The following MAST2 variants were observed in gnomAD, a reference collection of about 807,000 sequenced individuals.
MAST2 encodes the protein microtubule-associated serine/threonine-protein kinase 2.
In MAST2, 70 loss-of-function variants were observed where a neutral mutation model predicts 147.4. The observed-to-expected ratio is 0.47, with a 90% confidence interval of 0.39 to 0.58. The LOEUF (loss-of-function observed/expected upper bound fraction) is 0.58. Among genes scored for constraint, MAST2 ranks in the 20% least tolerant of loss-of-function variants. The pLI is 0.00. For missense variants in MAST2, 2,080 were observed against 2,302.3 expected, an observed-to-expected ratio of 0.90 and a Z score of 1.98; for synonymous variants, 869 against 896.8, an observed-to-expected ratio of 0.97 and a Z score of 0.55.
At chr1:45,879,217 TG>T (rs751613284) in intron 3 of MAST2, among the ~76,000 whole-genome samples, 41 of 152,098 alleles carry the variant, frequency 2.7e-4, no homozygotes, top group African/African-American at 8.4e-4. Context: ...GATATCCATA[TG>T]AAAAAAAATG....
intron 3 of MAST2, among the ~76,000 whole-genome samples, chr1:45,845,193 G>A (rs533901804): frequency 1.4e-4 from 21 of 152,246 alleles, no homozygotes; most frequent in African/African-American, 4.6e-4. Flanking sequence ...ATGGGAGAAC[G>A]TTTATGCAAG....
At chr1:45,866,044 G>T (rs907606060) in intron 3 of MAST2, among the ~76,000 whole-genome samples, 1 of 152,020 alleles carries the variant, frequency 6.6e-6, no homozygotes, top group Non-Finnish European at 1.5e-5. Context: ...AATACCTAAG[G>T]ATTTTAAAAT....
At chr1:45,936,239 G>C (rs1656172423) in intron 4 of MAST2, among the ~76,000 whole-genome samples, 1 of 152,190 alleles carries the variant, frequency 6.6e-6, no homozygotes, top group Non-Finnish European at 1.5e-5. Context: ...TTTGTATGTT[G>C]ATTTTGTATC....
chr1:45,865,551 T>C (rs1160672394), intron 3 of MAST2, among the ~76,000 whole-genome samples: 7 of 152,100 alleles, frequency 4.6e-5, no homozygotes, highest in Admixed American at 6.6e-5. Flanking sequence ...TTAAGAACTT[T>C]TCTAAATTAT....
intron 4 of MAST2, among the ~76,000 whole-genome samples, chr1:45,919,904 C>T (rs890839265): frequency 6.6e-6 from 1 of 151,594 alleles, no homozygotes; most frequent in African/African-American, 2.4e-5. Context: ...ATTGATATGA[C>T]AAGATTATTT....
chr1:45,962,051 G>A (rs1450552238), intron 5 of MAST2, among the ~76,000 whole-genome samples: 1 of 151,750 alleles, frequency 6.6e-6, no homozygotes, highest in Non-Finnish European at 1.5e-5. Context: ...ATAGTTTGCT[G>A]AGAATGATGG....
At chr1:45,981,310 G>A (rs531385336) in intron 5 of MAST2, among the ~76,000 whole-genome samples, 32 of 152,216 alleles carry the variant, frequency 2.1e-4, no homozygotes, top group African/African-American at 7.0e-4. Context: ...GACCTCAGGT[G>A]ATCCACCTGC....
At chr1:45,827,991 C>A (rs1383359393) in intron 2 of MAST2, among the ~76,000 whole-genome samples, 1 of 152,028 alleles carries the variant, frequency 6.6e-6, no homozygotes, top group Non-Finnish European at 1.5e-5. Context: ...ACCACCATGC[C>A]TGGCTAATTT....
At chr1:45,939,814 A>G (rs1351684786) in intron 4 of MAST2, among the ~76,000 whole-genome samples, 1 of 151,884 alleles carries the variant, frequency 6.6e-6, no homozygotes, top group Non-Finnish European at 1.5e-5. Context: ...TGCTGGGATT[A>G]CAGGTGTGAG....
intron 6 of MAST2, among the ~76,000 whole-genome samples, chr1:46,001,328 T>C (rs1442681665): frequency 1.3e-5 from 2 of 152,240 alleles, no homozygotes; most frequent in African/African-American, 4.8e-5. Context: ...TCTTCCTGAC[T>C]CTGGTGGCCC....
At chr1:45,998,891 C>A (rs1191204541) in intron 6 of MAST2, among the ~76,000 whole-genome samples, 2 of 152,114 alleles carry the variant, frequency 1.3e-5, no homozygotes, top group Admixed American at 1.3e-4. Context: ...TCATTCCGAG[C>A]TAATTTCTTT....
At chr1:45,978,978 C>T (rs1401502813) in intron 5 of MAST2, among the ~76,000 whole-genome samples, 3 of 152,158 alleles carry the variant, frequency 2.0e-5, no homozygotes, top group South Asian at 4.1e-4. Flanking sequence ...CTAAAAACCT[C>T]TAAACTGCAC....
chr1:45,917,425 C>T, intron 4 of MAST2: 1 of 1,366,434 alleles, frequency 7.3e-7, no homozygotes, highest in Non-Finnish European at 9.8e-7. Context: ...ACTAAAGTCC[C>T]ATTTAGTGCT....
At chr1:45,985,893 A>G (rs760753622) in intron 5 of MAST2, among the ~76,000 whole-genome samples, 5 of 152,202 alleles carry the variant, frequency 3.3e-5, no homozygotes, top group East Asian at 1.9e-4. Context: ...TTTCATTTCT[A>G]TTTACAGTAT....
chr1:45,896,573 C>G (rs1367805841), intron 4 of MAST2, among the ~76,000 whole-genome samples: 2 of 152,098 alleles, frequency 1.3e-5, no homozygotes, highest in Non-Finnish European at 2.9e-5. Flanking sequence ...GTGGAACTCT[C>G]TCATGGGAGA....
At chr1:46,005,745 C>T (rs573940382) in intron 7 of MAST2, among the ~76,000 whole-genome samples, 2 of 152,186 alleles carry the variant, frequency 1.3e-5, no homozygotes, top group Non-Finnish European at 2.9e-5. Context: ...AGTTTGCTAA[C>T]CCCTGGCACA....
intron 1 of MAST2, among the ~76,000 whole-genome samples, chr1:45,809,071 C>T (rs1269917780): frequency 6.6e-6 from 1 of 152,150 alleles, no homozygotes; most frequent in Non-Finnish European, 1.5e-5. Context: ...GTACTTGAAA[C>T]ATAGTTATTT....
chr1:45,901,517 G>GT (rs1557884735), intron 4 of MAST2, among the ~76,000 whole-genome samples: 1 of 152,128 alleles, frequency 6.6e-6, no homozygotes, highest in East Asian at 1.9e-4. Context: ...TTTTGGAATG[G>GT]TTTTTTCTGA....
At chr1:45,833,438 C>A (rs12565042) in intron 3 of MAST2, among the ~76,000 whole-genome samples, 69,309 of 151,870 alleles carry the variant, frequency 0.46, 16,029 homozygotes, top group East Asian at 0.65. Flanking sequence ...CTGTTGTTAA[C>A]AGTGGGTTGT....
Sources: gnomAD v4.1 joint callset for allele counts (sites outside exome capture counted in the v4.1 genomes callset) on GRCh38, gnomAD v4.1.1 for gene constraint, MANE v1.5 for transcripts, NCBI Gene and HGNC (gene_info 2026-07-23, HGNC 2026-07-21) for gene names.